Variants in CGRRF1 observed in about 807,000 individuals in gnomAD.
CGRRF1 encodes the protein cell growth regulator with ring finger domain 1.
In CGRRF1, 32 loss-of-function variants were observed where a neutral mutation model predicts 37.2. The ratio of observed to expected loss-of-function variants is 0.86; its 90% CI spans 0.65 to 1.16. The LOEUF (loss-of-function observed/expected upper bound fraction) is 1.16, where lower values mean the gene tolerates loss of function less well. Ranked by LOEUF, CGRRF1 falls within the 50% of genes most tolerant of loss-of-function variation. The pLI is 0.00. For synonymous variants in CGRRF1, 141 were observed against 140.3 expected, an observed-to-expected ratio of 1.00 and a Z score of -0.04; for missense variants, 391 against 382.6, an observed-to-expected ratio of 1.02 and a Z score of -0.18.
At chr14:54,537,271 T>TATTTTTCTAGCTGTTCTTTTGTGTTC (rs2032615195) in intron 4 of CGRRF1, 1 of 152,366 alleles carries the variant, frequency 6.6e-6, no homozygotes, top group African/African-American at 2.4e-5. Flanking sequence ...CTCTTTTCAG[T>TATTTTTCTAGCTGTTCTTTTGTGTTC]ATTTTTCTAG....
At chr14:54,512,452 T>A (rs1244635085) in intron 1 of CGRRF1, among the ~76,000 whole-genome samples, 3 of 152,234 alleles carry the variant, frequency 2.0e-5, no homozygotes, top group Non-Finnish European at 4.4e-5. Flanking sequence ...CTTTAACAGT[T>A]TCAAATAATC....
intron 5 of CGRRF1, 89 bp downstream of exon 5, chr14:54,537,918 C>A: frequency 6.6e-7 from 1 of 1,511,352 alleles, no homozygotes; most frequent in South Asian, 1.3e-5. Context: ...TTATATTTTT[C>A]AGTTAATAAT....
chr14:54,518,568 A>T (rs562243357), intron 1 of CGRRF1, among the ~76,000 whole-genome samples: 3 of 151,914 alleles, frequency 2.0e-5, no homozygotes, highest in Admixed American at 2.0e-4. Context: ...AAAAAGAAAA[A>T]AAAAAGTGTT....
intron 3 of CGRRF1, chr14:54,530,497 AGAAGCAT>A: frequency 8.1e-7 from 1 of 1,236,400 alleles, no homozygotes; most frequent in Non-Finnish European, 1.1e-6. Flanking sequence ...TTGGTATACT[AGAAGCAT>A]GTTTATTGCT....
At chr14:54,515,878 G>A (rs991797877) in intron 1 of CGRRF1, among the ~76,000 whole-genome samples, 1 of 151,854 alleles carries the variant, frequency 6.6e-6, no homozygotes, top group Admixed American at 6.6e-5. Flanking sequence ...GATAATCTTT[G>A]CCTTTTAACT....
At chr14:54,533,879 A>G (rs537229332) in intron 4 of CGRRF1, among the ~76,000 whole-genome samples, 2 of 152,190 alleles carry the variant, frequency 1.3e-5, no homozygotes, top group African/African-American at 2.4e-5. Context: ...GGAGAGAAGT[A>G]TAATAATCTG....
intron 3 of CGRRF1, chr14:54,530,544 G>C: frequency 7.7e-7 from 1 of 1,292,292 alleles, no homozygotes; most frequent in South Asian, 2.0e-5. Flanking sequence ...AGCATTAGAA[G>C]ATGCTCTGTG....
chr14:54,522,996 C>T (rs557965122), intron 2 of CGRRF1, among the ~76,000 whole-genome samples: 19 of 152,252 alleles, frequency 1.2e-4, no homozygotes, highest in African/African-American at 4.6e-4. Flanking sequence ...GAGACAGATT[C>T]TTACTCTGTC....
At chr14:54,513,590 T>C (rs938726543) in intron 1 of CGRRF1, among the ~76,000 whole-genome samples, 12 of 150,772 alleles carry the variant, frequency 8.0e-5, no homozygotes, top group African/African-American at 2.9e-4. Context: ...TGTTATGTTA[T>C]GTTATGTTAT....
intron 4 of CGRRF1, among the ~76,000 whole-genome samples, chr14:54,533,986 A>T (rs1285792928): frequency 1.3e-5 from 2 of 152,198 alleles, no homozygotes; most frequent in Admixed American, 1.3e-4. Context: ...TATACATTTT[A>T]TACTATTTTG....
intron 1 of CGRRF1, among the ~76,000 whole-genome samples, chr14:54,515,919 A>T (rs2032207819): frequency 6.6e-6 from 1 of 152,084 alleles, no homozygotes; most frequent in Non-Finnish European, 1.5e-5. Flanking sequence ...ATTTAATGTG[A>T]TTATTGATAT....
At chr14:54,529,871 A>G (rs1257365224) in intron 2 of CGRRF1, among the ~76,000 whole-genome samples, 178 bp from the exon 3 acceptor site, 1 of 152,180 alleles carries the variant, frequency 6.6e-6, no homozygotes, top group Non-Finnish European at 1.5e-5. Flanking sequence ...TTGAGCTTTT[A>G]TATCTCTTGT....
At chr14:54,515,862 C>T (rs1237929424) in intron 1 of CGRRF1, among the ~76,000 whole-genome samples, 1 of 152,042 alleles carries the variant, frequency 6.6e-6, no homozygotes, top group East Asian at 1.9e-4. Flanking sequence ...TGTTTTTATC[C>T]AATCTGATAA....
chr14:54,535,592 C>T (rs2032588175), intron 4 of CGRRF1, among the ~76,000 whole-genome samples: 1 of 152,020 alleles, frequency 6.6e-6, no homozygotes, highest in Admixed American at 6.6e-5. Flanking sequence ...CTAATTTCTC[C>T]ACTCTTCTGT....
chr14:54,520,590 C>A (rs1420822943), intron 1 of CGRRF1, among the ~76,000 whole-genome samples: 1 of 152,312 alleles, frequency 6.6e-6, no homozygotes, highest in South Asian at 2.1e-4. Context: ...AACCATTGTT[C>A]TCATTTTTAT....
intron 2 of CGRRF1, among the ~76,000 whole-genome samples, chr14:54,527,459 A>G (rs978841365): frequency 3.9e-5 from 6 of 152,164 alleles, no homozygotes; most frequent in Admixed American, 1.3e-4. Flanking sequence ...CTTAAAGTAT[A>G]ATAATAATAA....
At chr14:54,526,936 C>T (rs2032420710) in intron 2 of CGRRF1, among the ~76,000 whole-genome samples, 2 of 152,142 alleles carry the variant, frequency 1.3e-5, no homozygotes, top group South Asian at 4.1e-4. Context: ...TTTTCCGCCC[C>T]ATCATTTCTC....
intron 2 of CGRRF1, among the ~76,000 whole-genome samples, chr14:54,523,470 A>G (rs1447537778): frequency 6.6e-6 from 1 of 152,184 alleles, no homozygotes; most frequent in African/African-American, 2.4e-5. Flanking sequence ...GTGAAGAGGC[A>G]TATTCAGGAA....
chr14:54,528,668 A>G (rs1482605726), intron 2 of CGRRF1, among the ~76,000 whole-genome samples: 1 of 152,194 alleles, frequency 6.6e-6, no homozygotes, highest in Non-Finnish European at 1.5e-5. Flanking sequence ...TTGTGTATGT[A>G]TAAATAAAAT....
Sources: gnomAD v4.1 joint callset for allele counts (sites outside exome capture counted in the v4.1 genomes callset) on GRCh38, gnomAD v4.1.1 for gene constraint, MANE v1.5 for transcripts, NCBI Gene and HGNC (gene_info 2026-07-23, HGNC 2026-07-21) for gene names.